Variants in TNRC6A observed in about 807,000 individuals in gnomAD.
TNRC6A encodes the protein trinucleotide repeat containing adaptor 6A, also known as trinucleotide repeat-containing gene 6A protein.
TNRC6A carries 44 observed loss-of-function variants against 221.2 expected under a neutral mutation model. That is an observed-to-expected ratio of 0.20 (90% CI 0.16 to 0.26). The LOEUF (loss-of-function observed/expected upper bound fraction) is 0.26, where lower values mean the gene tolerates loss of function less well. TNRC6A is among the 10% of genes least tolerant of loss of function. The pLI, the probability that TNRC6A is intolerant of heterozygous loss-of-function variation, is 1.00. For synonymous variants in TNRC6A, 847 were observed against 838.5 expected (o/e 1.01, Z -0.18); for missense variants, 2,199 against 2,404.4 (o/e 0.91, Z 1.79).
intron 2 of TNRC6A, among the ~76,000 whole-genome samples, chr16:24,724,119 T>A (rs1033397276): frequency 1.8e-4 from 27 of 152,236 alleles, no homozygotes; most frequent in African/African-American, 6.5e-4. Flanking sequence ...TCCATGATTA[T>A]CATGTTGGGA....
chr16:24,626,308 TATAAC>T (rs1446200762), intron 1 of TNRC6A, among the ~76,000 whole-genome samples: 1 of 152,016 alleles, frequency 6.6e-6, no homozygotes, highest in African/African-American at 2.4e-5. Context: ...TGTACAGAAA[TATAAC>T]ACACACAGGA....
intron 2 of TNRC6A, among the ~76,000 whole-genome samples, chr16:24,691,254 A>C (rs1010604536): frequency 6.6e-6 from 1 of 151,788 alleles, no homozygotes; most frequent in Non-Finnish European, 1.5e-5. Context: ...GTCTTCCTCT[A>C]TCACCCAGGC....
chr16:24,738,146 C>G (rs2056811910), intron 2 of TNRC6A, among the ~76,000 whole-genome samples: 1 of 152,164 alleles, frequency 6.6e-6, no homozygotes, highest in Admixed American at 6.5e-5. Context: ...CCCAGTGACT[C>G]TGGAATTAAA....
intron 2 of TNRC6A, among the ~76,000 whole-genome samples, chr16:24,668,885 C>T (rs2055230129): frequency 6.6e-6 from 1 of 152,184 alleles, no homozygotes; most frequent in South Asian, 2.1e-4. Context: ...GCCAACCTCC[C>T]TTTGAACAGA....
rs1025222558 is a variant in TNRC6A, at chr16:24,825,195, C to T, written c.*1388C>T. The T allele has an allele frequency of 1.2e-4, 18 of 152,672 alleles. No homozygotes were observed. Among genetic ancestry groups the T allele is most frequent in the African/African-American group, 4.3e-4 (18 of 41,554 alleles). 9.5% of individuals were successfully genotyped at this position (152,672 alleles called of 1,614,324 possible). ...TACACCATTTTAAACTTTCTTTCCTCCCCCCTTTTTTTGCCCACAAATGGT... is the reference window on the plus strand; with the variant it reads ...TACACCATTTTAAACTTTCTTTCCTTCCCCCTTTTTTTGCCCACAAATGGT... On this transcript the variant is annotated 3_prime_UTR_variant, in exon 25 of 25. Transcript: ENST00000395799.
intron 2 of TNRC6A, among the ~76,000 whole-genome samples, chr16:24,736,755 C>A (rs1349175257): frequency 6.6e-6 from 1 of 152,194 alleles, no homozygotes; most frequent in African/African-American, 2.4e-5. Flanking sequence ...CTTACTTCTA[C>A]ACTGACTTGG....
intron 2 of TNRC6A, among the ~76,000 whole-genome samples, chr16:24,648,249 G>A (rs922436161): frequency 1.5e-5 from 2 of 137,104 alleles, no homozygotes; most frequent in Non-Finnish European, 3.1e-5. Flanking sequence ...TAATTTTTGA[G>A]CAATTGTACC....
At chr16:24,737,782 T>C (rs944458506) in intron 2 of TNRC6A, among the ~76,000 whole-genome samples, 5 of 152,256 alleles carry the variant, frequency 3.3e-5, no homozygotes, top group African/African-American at 7.2e-5. Flanking sequence ...TTTAGAGTTA[T>C]GACGTCTGTG....
At chr16:24,819,181 C>T (rs891231265) in intron 21 of TNRC6A, among the ~76,000 whole-genome samples, 17 of 152,194 alleles carry the variant, frequency 1.1e-4, no homozygotes, top group African/African-American at 3.9e-4. Flanking sequence ...TAGTATGAAA[C>T]TGTGTTGTGG....
intron 2 of TNRC6A, among the ~76,000 whole-genome samples, chr16:24,643,125 AAT>A (rs1455058492): frequency 2.6e-5 from 1 of 38,032 alleles, no homozygotes; most frequent in Non-Finnish European, 6.4e-5. Flanking sequence ...ATATATATAA[AAT>A]ATATATATAT....
intron 5 of TNRC6A, among the ~76,000 whole-genome samples, chr16:24,782,101 C>T (rs2057862409): frequency 1.3e-5 from 2 of 152,140 alleles, no homozygotes; most frequent in African/African-American, 2.4e-5. Flanking sequence ...GGATTACAGG[C>T]GTGAGCCACC....
At chr16:24,761,886 T>C (rs2057372250) in intron 4 of TNRC6A, among the ~76,000 whole-genome samples, 1 of 145,630 alleles carries the variant, frequency 6.9e-6, no homozygotes, top group Non-Finnish European at 1.6e-5. Context: ...AAAGAATAAG[T>C]AAGCACTGTT....
chr16:24,653,654 C>G (rs1206363709), intron 2 of TNRC6A, among the ~76,000 whole-genome samples: 2 of 151,924 alleles, frequency 1.3e-5, no homozygotes, highest in Non-Finnish European at 2.9e-5. Context: ...GTGGCGCACA[C>G]CTGTAATCCC....
Position 24,797,936 on chromosome 16 carries a change from G to C in TNRC6A, c.3664G>C (p.Val1222Leu). 1 of 1,610,992 alleles carries C rather than the reference G, an allele frequency of 6.2e-7. No individual in the cohort carries two copies. The highest frequency in any genetic ancestry group is 1.3e-5 in the African/African-American group (1 of 74,996). ...SFSRDSPEENVQSNKMDLSGG... is the reference protein window; with the variant it reads ...SFSRDSPEENLQSNKMDLSGG... ...TCAGAGAGACTCACCAGAGGAAAAT[G>C]TACAAAGCAATAAGATGGACCTTTC... Residue 1222 changes from valine (V) to leucine (L), a missense_variant, in exon 11 of 25, where the codon GTA (valine) becomes CTA (leucine). By Grantham distance (32) the Val-to-Leu change is conservative (BLOSUM62 1). This residue lies in a region of TNRC6A where 158 missense variants were observed against 159.1 expected (regional missense o/e 0.99). Coordinates refer to ENST00000395799, the MANE Select transcript of TNRC6A (RefSeq NM_014494.4).
intron 11 of TNRC6A, among the ~76,000 whole-genome samples, chr16:24,799,347 C>T (rs572315297): frequency 1.3e-5 from 2 of 152,310 alleles, no homozygotes; most frequent in South Asian, 4.1e-4. Context: ...ACTCACCTTC[C>T]ATATGTACTC....
At chr16:24,730,397 T>G in intron 2 of TNRC6A, 97 bp downstream of exon 2, 1 of 1,429,276 alleles carries the variant, frequency 7.0e-7, no homozygotes, top group Non-Finnish European at 9.5e-7. Flanking sequence ...CCGTGACATT[T>G]TCTTCCGCAC....
At chr16:24,646,648 G>A (rs1167529399) in intron 2 of TNRC6A, among the ~76,000 whole-genome samples, 1 of 152,158 alleles carries the variant, frequency 6.6e-6, no homozygotes, top group South Asian at 2.1e-4. Flanking sequence ...TCATATCTAA[G>A]TGAAATTTTT....
At chr16:24,642,626 T>G (rs1423984888) in intron 2 of TNRC6A, among the ~76,000 whole-genome samples, 1 of 152,094 alleles carries the variant, frequency 6.6e-6, no homozygotes, top group Non-Finnish European at 1.5e-5. Context: ...CAGACCAGCC[T>G]CGCCAACATG....
At chr16:24,617,878 A>G (rs1039208107) in intron 1 of TNRC6A, among the ~76,000 whole-genome samples, 6 of 152,068 alleles carry the variant, frequency 3.9e-5, no homozygotes, top group African/African-American at 1.4e-4. Flanking sequence ...ATGCCTCTTA[A>G]TTTGAATTAA....
Sources: allele counts gnomAD v4.1 joint callset (sites outside exome capture counted in the v4.1 genomes callset), GRCh38; gene constraint gnomAD v4.1.1; regional missense constraint gnomAD v4.1.1; transcripts MANE v1.5; gene names NCBI Gene and HGNC (gene_info 2026-07-23, HGNC 2026-07-21).